RABL6: variants seen among roughly 807,000 people sequenced by gnomAD.
RABL6 encodes the protein rab-like protein 6.
In RABL6, 28 loss-of-function variants were observed where a neutral mutation model predicts 72.9. The ratio of observed to expected loss-of-function variants is 0.38; its 90% confidence interval spans 0.28 to 0.53. The LOEUF (loss-of-function observed/expected upper bound fraction) is 0.53, where lower values mean the gene tolerates loss of function less well. RABL6 is among the 20% of genes least tolerant of loss of function. The pLI is 0.80. For synonymous variants in RABL6, 477 were observed against 421.2 expected (o/e 1.13, Z -1.62); for missense variants, 1,029 against 1,008.4 (o/e 1.02, Z -0.28).
intron 1 of RABL6, among the ~76,000 whole-genome samples, chr9:136,822,730 G>T (rs903486963): frequency 6.6e-6 from 1 of 152,218 alleles, no homozygotes; most frequent in Non-Finnish European, 1.5e-5. Flanking sequence ...CCAGGCCCGG[G>T]GCTACCCGGC....
In RABL6 at chr9:136,811,879, A is replaced by G. The variant is rs142003428; in HGVS notation, c.130+3553A>G. On this transcript the variant is annotated intron_variant, in intron 1 of 14. Transcript: ENST00000311502. The stretch of plus-strand genomic sequence containing the variant: ...GAATTCCAGAAGGGAGGAGGCCACA[A>G]TGAGGCCTGTCTGACTCCCCTCTTC... 4.6e-5 allele frequency among the ~76,000 whole-genome samples: 7 copies of G among 152,278 alleles called. No homozygotes were observed. The East Asian group carries it at 9.7e-4, about 21-fold the overall frequency.
At chr9:136,821,297 C>A (rs191002568) in intron 1 of RABL6, 3 of 982,000 alleles carry the variant, frequency 3.1e-6, no homozygotes, top group Admixed American at 6.1e-5. Context: ...TCGCTGTGAC[C>A]GTCTCTGCGC....
Position 136,840,470 on chromosome 9 carries a change from G to T in RABL6, c.2138G>T (p.Gly713Val), listed in dbSNP as rs946074321. The stretch of plus-strand genomic sequence containing the variant: ...GATGAGCTGGAGGCTTTCCTGGGGG[G>T]CGGGGCCCCGGGCGGCCGCCACCCT... ...AADELEAFLG[G>V]GAPGGRHPGG... The change falls in exon 15 of 15, where the codon GGC becomes GTC. Residue 713 changes from glycine (G) to valine (V), a missense_variant. By Grantham distance (109) the Gly-to-Val change is moderately radical. Coordinates refer to ENST00000311502, the MANE Select transcript of RABL6 (RefSeq NM_024718.5). The T allele has an allele frequency of 1.4e-5, 22 of 1,532,950 alleles. No individual in the cohort carries two copies. The highest frequency in any genetic ancestry group is 1.8e-5 in the Non-Finnish European group (21 of 1,140,788). The allele number at this position is 1,532,950 out of a possible 1,614,324, so 95.0% of individuals were successfully genotyped here.
intron 5 of RABL6, 109 bp from the exon 6 acceptor site, chr9:136,831,612 G>A (rs1564368585): frequency 6.7e-7 from 1 of 1,496,886 alleles, no homozygotes; most frequent in East Asian, 2.3e-5. Flanking sequence ...TTGGATGTTG[G>A]AAATGAGAAG....
At chr9:136,829,745 A>T (rs1019143280) in intron 5 of RABL6, among the ~76,000 whole-genome samples, 2 of 152,244 alleles carry the variant, frequency 1.3e-5, no homozygotes, top group Non-Finnish European at 2.9e-5. Flanking sequence ...CACCTTCCAT[A>T]GCCCCACTGT....
rs117102112 is a variant in RABL6 at position 136,828,908 on chromosome 9, G to C, written c.366+362G>C. 2.2e-3 allele frequency among the ~76,000 whole-genome samples: 329 copies of C among 152,314 alleles called. 8 individuals carry two copies. In the East Asian group the frequency reaches 0.048, roughly 22 times the overall value. On this transcript the variant is annotated intron_variant, in intron 4 of 14. Transcript: ENST00000311502. ...TGAGTTTCGCTCACCGGAGCCACCT[G>C]GGGCCAACCCAACCTGAGCCCGACA...
Position 136,839,260 on chromosome 9 carries a change from C to T in RABL6, c.1532C>T (p.Ala511Val), listed in dbSNP as rs1431213750. Residue 511 changes from alanine to valine, a missense_variant, in exon 12 of 15, where the codon GCT becomes GTT. Around this residue, in one of 2 missense-constraint regions of RABL6, gnomAD observed 595 missense variants for 472.4 expected, o/e 1.26. Transcript: ENST00000311502. Reference sequence around the variant, plus strand: ...GCTTCGAAGCCACGGAGGGGGACAGCTCCCACGAGGACCGCAGCACCCCCC... The same window carrying T: ...GCTTCGAAGCCACGGAGGGGGACAGTTCCCACGAGGACCGCAGCACCCCCC... ...IPASKPRRGT[A>V]PTRTAAPPWP... 4 of 1,605,862 alleles carry T rather than the reference C, an allele frequency of 2.5e-6. No individual in the cohort carries two copies. Among genetic ancestry groups the T allele is most frequent in the Non-Finnish European group, 3.4e-6 (4 of 1,176,830 alleles).
At chr9:136,834,886 C>CA (rs1848556828) in intron 7 of RABL6, among the ~76,000 whole-genome samples, 1 of 144,110 alleles carries the variant, frequency 6.9e-6, no homozygotes, top group Non-Finnish European at 1.5e-5. Context: ...CCAGGAGTTC[C>CA]AGATCTTCTG....
chr9:136,814,256 A>AAT, intron 1 of RABL6: 2 of 185,226 alleles, frequency 1.1e-5, no homozygotes. Flanking sequence ...AATGGTGCTC[A>AAT]CTGCAGCTTC....
chr9:136,824,838 G>T (rs147883574), intron 2 of RABL6, among the ~76,000 whole-genome samples: 20 of 152,324 alleles, frequency 1.3e-4, no homozygotes, highest in African/African-American at 4.3e-4. Flanking sequence ...AGCCCACAGG[G>T]CCGGCGCACA....
At chr9:136,838,856 G>T (rs910714234) in intron 10 of RABL6, 53 bp from the exon 11 acceptor site, 1 of 1,451,832 alleles carries the variant, frequency 6.9e-7, no homozygotes, top group Admixed American at 2.4e-5. Context: ...CCGTGAGCCC[G>T]GCCAGCCATC....
chr9:136,808,343 G>GC lies in RABL6; in HGVS notation c.130+17_130+18insC. The stretch of plus-strand genomic sequence containing the variant: ...AGTACAACAGTGAGTGCGGCGGGCC[G>GC]GGGGGGCGCGGGAGCGCCGCGCGGG... On this transcript the variant is annotated intron_variant, in intron 1 of 14. Transcript: ENST00000311502. 6.7e-7 allele frequency: 1 copy of GC among 1,486,900 alleles called. No individual in the cohort carries two copies. The highest frequency in any genetic ancestry group is 1.5e-5 in the African/African-American group (1 of 68,370). The allele number at this position is 1,486,900 out of a possible 1,614,324, so 92.1% of individuals were successfully genotyped here. A position where few individuals can be genotyped will look rare whatever the true frequency, so the allele number is the denominator to read the frequency against.
At chr9:136,808,497 G>A (rs984208852) in intron 1 of RABL6, 171 bp downstream of exon 1, 23 of 637,486 alleles carry the variant, frequency 3.6e-5, no homozygotes, top group Non-Finnish European at 4.3e-5. Context: ...CGCGAGGAGA[G>A]GCCAGGCCAG....
Position 136,840,732 on chromosome 9 carries a change from A to T in RABL6, c.*210A>T. ...GTGTGAGCCTGCTCTGCAAGAAGGGAGGGGACAGCTGGCTTCAGCCAGGCT... is the reference window on the plus strand; with the variant it reads ...GTGTGAGCCTGCTCTGCAAGAAGGGTGGGGACAGCTGGCTTCAGCCAGGCT... On this transcript the variant is annotated 3_prime_UTR_variant, in exon 15 of 15. Transcript: ENST00000311502. 3.2e-6 allele frequency: 5 copies of T among 1,548,334 alleles called. No individual in the cohort carries two copies. Among genetic ancestry groups the T allele is most frequent in the Non-Finnish European group, 4.4e-6 (5 of 1,146,756 alleles).
intron 2 of RABL6, among the ~76,000 whole-genome samples, chr9:136,824,550 T>C (rs1848312037): frequency 6.6e-6 from 1 of 151,930 alleles, no homozygotes; most frequent in Admixed American, 6.6e-5. Flanking sequence ...AGGCTGGCCT[T>C]GAACTCCTGA....
intron 2 of RABL6, among the ~76,000 whole-genome samples, chr9:136,824,334 T>A (rs1021821039): frequency 7.1e-6 from 1 of 140,202 alleles, no homozygotes; most frequent in African/African-American, 2.6e-5. Flanking sequence ...GGGTTTTTTT[T>A]TTTTTTTTTT....
chr9:136,821,514 T>G, intron 1 of RABL6: 4 of 985,270 alleles, frequency 4.1e-6, no homozygotes, highest in Non-Finnish European at 4.8e-6. Context: ...AGGCTATGCG[T>G]GCGCGGCCCG....
At chr9:136,820,200 CAAAA>C (rs34975162) in intron 1 of RABL6, among the ~76,000 whole-genome samples, 15 of 77,840 alleles carry the variant, frequency 1.9e-4, no homozygotes, top group East Asian at 8.1e-4. Flanking sequence ...CTCCATCTTC[CAAAA>C]AAAAAAAAAA....
chr9:136,818,957 G>A (rs1042361984), intron 1 of RABL6, among the ~76,000 whole-genome samples: 1 of 152,072 alleles, frequency 6.6e-6, no homozygotes. Flanking sequence ...AAAACTTAAG[G>A]GTTCCCAAAG....
Sources: allele counts gnomAD v4.1 joint callset (sites outside exome capture counted in the v4.1 genomes callset), GRCh38; gene constraint gnomAD v4.1.1; regional missense constraint gnomAD v4.1.1; transcripts MANE v1.5; gene names NCBI Gene and HGNC (gene_info 2026-07-23, HGNC 2026-07-21).